GFM1: variants seen among roughly 807,000 people sequenced by gnomAD.
The protein encoded by GFM1 is G elongation factor mitochondrial 1.
A neutral mutation model predicts 96.2 loss-of-function variants in GFM1; 62 were observed. That is an observed-to-expected ratio of 0.64 (90% confidence interval 0.53 to 0.80). GFM1 has a LOEUF of 0.80. GFM1 is among the 30% of genes least tolerant of loss of function. The pLI is 0.00. For synonymous variants in GFM1, 282 were observed against 312.9 expected, an observed-to-expected ratio of 0.90 and a Z score of 1.04; for missense variants, 852 against 916.6, an observed-to-expected ratio of 0.93 and a Z score of 0.91.
intron 9 of GFM1, chr3:158,660,264 G>C (rs1015937590): frequency 1.4e-5 from 1 of 72,718 alleles, no homozygotes; most frequent in South Asian, 4.0e-4. Flanking sequence ...TTTTTTTTTT[G>C]AGATGGAGTT....
At chr3:158,682,322 CATTA>C in intron 14 of GFM1, 165 bp downstream of exon 14, 1 of 625,278 alleles carries the variant, frequency 1.6e-6, no homozygotes, top group South Asian at 1.9e-5. Flanking sequence ...ATCTCTAATT[CATTA>C]AGCAGAAGAG....
rs1722080493 is a variant in GFM1 at position 158,649,084 on chromosome 3, G to T, written c.616G>T (p.Gly206Cys). The T allele has an allele frequency of 6.3e-7, 1 of 1,574,842 alleles. No homozygotes were observed. Residue 206 changes from glycine (G) to cysteine (C), a missense_variant, in exon 5 of 18, where the codon GGT becomes TGT. Coordinates refer to ENST00000486715, the MANE Select transcript of GFM1 (RefSeq NM_024996.7). ...HNAAFMQIPM[G>C]LEGNFKGIVD... Reference sequence around the variant, plus strand: ...TGCAGCGTTTATGCAGATACCCATGGGTTTGGAGGGTAATTTTAAAGGTAT... The same window carrying T: ...TGCAGCGTTTATGCAGATACCCATGTGTTTGGAGGGTAATTTTAAAGGTAT...
chr3:158,658,840 G>C, intron 8 of GFM1, 82 bp from the exon 9 acceptor site: 1 of 1,444,550 alleles, frequency 6.9e-7, no homozygotes, highest in Non-Finnish European at 9.7e-7. Context: ...AATACTTGGA[G>C]GGAGTTATGA....
At chr3:158,666,534 A>T in intron 13 of GFM1, 148 bp downstream of exon 13, 1 of 1,172,200 alleles carries the variant, frequency 8.5e-7, no homozygotes, top group South Asian at 1.3e-5. Flanking sequence ...TGTAATCAAG[A>T]CATTTATATA....
rs557001821 is a variant in GFM1 at position 158,669,516 on chromosome 3, C to A, written c.1601+3130C>A. On this transcript the variant is annotated intron_variant, in intron 13 of 17. Transcript: ENST00000486715. ...GTTGTCTTCTTCATCTGGATTCTTT[C>A]CAGTTTCTCCTTCAAATGTGAAGTT... is the stretch of plus-strand genomic sequence containing the variant. 4.3e-6 allele frequency: 7 copies of A among 1,613,924 alleles called. No homozygotes were observed. The African/African-American group carries it at 6.7e-5, about 15-fold the overall frequency.
At chr3:158,676,266 C>CA (rs953071826) in intron 13 of GFM1, among the ~76,000 whole-genome samples, 7 of 151,410 alleles carry the variant, frequency 4.6e-5, no homozygotes, top group African/African-American at 1.2e-4. Context: ...GACCCTGTCT[C>CA]AAAAAAAAAT....
intron 8 of GFM1, among the ~76,000 whole-genome samples, chr3:158,655,134 A>G (rs927197985): frequency 6.6e-6 from 1 of 152,170 alleles, no homozygotes; most frequent in African/African-American, 2.4e-5. Flanking sequence ...CTCACCTTAT[A>G]AAACCAAAAT....
chr3:158,653,219 A>G (rs533159013), intron 6 of GFM1, 91 bp from the exon 7 acceptor site: 32 of 1,017,976 alleles, frequency 3.1e-5, no homozygotes, highest in Non-Finnish European at 4.5e-5. Flanking sequence ...AGAGTAGAGT[A>G]TCAGTTCATT....
intron 13 of GFM1, among the ~76,000 whole-genome samples, chr3:158,678,038 C>T (rs770677761): frequency 6.6e-6 from 1 of 152,142 alleles, no homozygotes; most frequent in Non-Finnish European, 1.5e-5. Flanking sequence ...TGCTTGTATT[C>T]TGCAAATGGA....
intron 13 of GFM1, among the ~76,000 whole-genome samples, chr3:158,678,977 C>T (rs1369512651): frequency 6.6e-6 from 1 of 152,148 alleles, no homozygotes; most frequent in Non-Finnish European, 1.5e-5. Flanking sequence ...GAGACCAGCC[C>T]TGGGCAACAT....
At chr3:158,663,974 A>G (rs1207519889) in intron 11 of GFM1, among the ~76,000 whole-genome samples, 1 of 152,182 alleles carries the variant, frequency 6.6e-6, no homozygotes, top group East Asian at 1.9e-4. Flanking sequence ...AAAAAAGGCA[A>G]AAGACCTAGA....
intron 13 of GFM1, among the ~76,000 whole-genome samples, chr3:158,667,859 T>C (rs1307420862): frequency 2.0e-5 from 3 of 152,198 alleles, no homozygotes; most frequent in East Asian, 1.9e-4. Flanking sequence ...AGTTGTGTGA[T>C]TGTGTAATTA....
At chr3:158,674,990 A>G (rs1444036968) in intron 13 of GFM1, among the ~76,000 whole-genome samples, 2 of 152,194 alleles carry the variant, frequency 1.3e-5, no homozygotes, top group African/African-American at 4.8e-5. Context: ...TATTATGTTT[A>G]TAAGGAGCAA....
At chr3:158,662,765 T>C (rs747555629) in intron 11 of GFM1, 81 bp downstream of exon 11, 2 of 845,770 alleles carry the variant, frequency 2.4e-6, no homozygotes, top group Admixed American at 1.7e-5. Flanking sequence ...GCACTTGATA[T>C]CTTGTAATAA....
rs143048127 is a variant in GFM1 at position 158,661,837 on chromosome 3, ATAGTT to A, written c.1324-784_1324-780del. Among the ~76,000 whole-genome samples, 338 of 152,316 alleles carry A rather than the reference ATAGTT, an allele frequency of 2.2e-3. 2 individuals carry two copies. The highest frequency in any genetic ancestry group is 7.7e-3 in the African/African-American group (322 of 41,584). On this transcript the variant is annotated intron_variant, in intron 10 of 17. Transcript: ENST00000486715. ...TATCTAATGATGAATTCATGATTTT[ATAGTT>A]TAGTTTTTTTATCTGTAGTATCCTC... is the stretch of plus-strand genomic sequence containing the variant.
chr3:158,693,018 A>G lies in GFM1; in HGVS notation c.*1551A>G, dbSNP rs1486013596. The G allele has an allele frequency of 6.6e-6, 1 of 152,172 alleles. No homozygotes were observed. The highest frequency in any genetic ancestry group is 1.9e-4 in the East Asian group (1 of 5,196). 9.4% of individuals were successfully genotyped at this position (152,172 alleles called of 1,614,324 possible). A position where few individuals can be genotyped will look rare whatever the true frequency, so the allele number is the denominator to read the frequency against. On this transcript the variant is annotated 3_prime_UTR_variant, in exon 18 of 18. Transcript: ENST00000486715. ...GCTAAATACTTTAAATGCATTGTAT[A>G]ATTTCATTCTCACAACCCCGAGAGT...
At chr3:158,673,917 G>C (rs1299813604) in intron 13 of GFM1, among the ~76,000 whole-genome samples, 1 of 150,468 alleles carries the variant, frequency 6.6e-6, no homozygotes, top group Non-Finnish European at 1.5e-5. Context: ...TCAGTTTCAT[G>C]CTTATTATTG....
At position 158,658,808 on chromosome 3, in the gene GFM1, T is replaced by C. The variant is rs1722966422; in HGVS notation, c.1084-114T>C. The C allele has an allele frequency of 5.5e-6, 6 of 1,092,126 alleles. No individual in the cohort carries two copies. The East Asian group carries it at 1.2e-4, about 22-fold the overall frequency. 67.7% of individuals were successfully genotyped at this position (1,092,126 alleles called of 1,614,324 possible). A position where few individuals can be genotyped will look rare whatever the true frequency, so the allele number is the denominator to read the frequency against. Reference sequence around the variant, plus strand: ...TGACAATAAACTGAAATATGTAAGATAGATTACTAAAATTGGTAGAGAATA... The same window carrying C: ...TGACAATAAACTGAAATATGTAAGACAGATTACTAAAATTGGTAGAGAATA... On this transcript the variant is annotated intron_variant, in intron 8 of 17. Transcript: ENST00000486715.
intron 5 of GFM1, 104 bp from the exon 6 acceptor site, chr3:158,651,990 CTT>C (rs1722330732): frequency 5.3e-6 from 5 of 948,048 alleles, no homozygotes; most frequent in South Asian, 4.3e-5. Flanking sequence ...TATCAGAGCT[CTT>C]TGTTACCTAA....
Sources: gnomAD v4.1 joint callset for allele counts (sites outside exome capture counted in the v4.1 genomes callset) on GRCh38, gnomAD v4.1.1 for gene constraint, MANE v1.5 for transcripts, NCBI Gene and HGNC (gene_info 2026-07-23, HGNC 2026-07-21) for gene names.